Variants in RNF220 observed in about 807,000 individuals in gnomAD.
RNF220 encodes E3 ubiquitin-protein ligase RNF220.
RNF220 carries 7 observed loss-of-function variants against 67.1 expected under a neutral mutation model. The ratio of observed to expected loss-of-function variants is 0.10; its 90% confidence interval spans 0.06 to 0.20. RNF220 has a LOEUF of 0.20. Ranked by LOEUF, RNF220 falls within the 10% of genes least tolerant of loss-of-function variation. RNF220 has a pLI of 1.00. For missense variants in RNF220, 565 were observed against 740.3 expected, an observed-to-expected ratio of 0.76 and a Z score of 2.75; for synonymous variants, 270 against 283.2, an observed-to-expected ratio of 0.95 and a Z score of 0.47.
Position 44,541,422 on chromosome 1 carries a change from C to G in RNF220, c.626-72743C>G, listed in dbSNP as rs150738285. On this transcript the variant is annotated intron_variant, in intron 2 of 14. Transcript: ENST00000361799. ...CAGTCTGGGTGACAGAGTGAGACTCCGTCTCAACAACAAAAAAAGAAAAAA... is the reference window on the plus strand; with the variant it reads ...CAGTCTGGGTGACAGAGTGAGACTCGGTCTCAACAACAAAAAAAGAAAAAA... 1.9e-3 allele frequency among the ~76,000 whole-genome samples: 285 copies of G among 152,236 alleles called. 8 individuals are homozygous for G. The East Asian group carries it at 0.051, about 27-fold the overall frequency.
At chr1:44,505,293 G>T (rs1383696530) in intron 2 of RNF220, among the ~76,000 whole-genome samples, 3 of 152,198 alleles carry the variant, frequency 2.0e-5, no homozygotes, top group Non-Finnish European at 4.4e-5. Flanking sequence ...CAGGACTCTG[G>T]CCAAGTCCAC....
At chr1:44,638,054 T>C (rs1644379967) in intron 8 of RNF220, among the ~76,000 whole-genome samples, 1 of 152,174 alleles carries the variant, frequency 6.6e-6, no homozygotes, top group South Asian at 2.1e-4. Context: ...GTGGGGGGGC[T>C]ATCAAAGGGA....
chr1:44,414,206 A>G (rs182026572), intron 2 of RNF220, among the ~76,000 whole-genome samples: 1 of 152,198 alleles, frequency 6.6e-6, no homozygotes, highest in Non-Finnish European at 1.5e-5. Context: ...CTGAACAGGT[A>G]TCGGCATTGT....
intron 2 of RNF220, among the ~76,000 whole-genome samples, chr1:44,425,931 G>A (rs536988391): frequency 6.6e-6 from 1 of 152,254 alleles, no homozygotes; most frequent in South Asian, 2.1e-4. Context: ...CCTTGAAGCT[G>A]AGCTACAGAA....
rs759672475 is a variant in RNF220, at chr1:44,432,895, C to CTTTTT, written c.625+20177_625+20178insTTTTT. Among the ~76,000 whole-genome samples, 3 of 104,410 alleles carry CTTTTT rather than the reference C, an allele frequency of 2.9e-5. 1 individual carries two copies. The highest frequency in any genetic ancestry group is 2.0e-5 in the Non-Finnish European group (1 of 50,100). 68.5% of individuals were successfully genotyped at this position (104,410 alleles called of 152,430 possible). ...GGTATGTATGTAAGTTTCAAATTGG[C>CTTTTT]TTTTCTTTTTTTTTTTTTGAGTCTT... is the stretch of plus-strand genomic sequence containing the variant. On this transcript the variant is annotated intron_variant, in intron 2 of 14. Transcript: ENST00000361799.
At chr1:44,445,278 A>G (rs1651956735) in intron 2 of RNF220, among the ~76,000 whole-genome samples, 1 of 152,178 alleles carries the variant, frequency 6.6e-6, no homozygotes, top group Non-Finnish European at 1.5e-5. Context: ...AATATCTCCT[A>G]TAAATATATA....
intron 2 of RNF220, among the ~76,000 whole-genome samples, chr1:44,481,832 T>G (rs1655843782): frequency 6.6e-6 from 1 of 151,928 alleles, no homozygotes; most frequent in Non-Finnish European, 1.5e-5. Flanking sequence ...AGACTGACAG[T>G]CAAGAAACAG....
At chr1:44,418,964 G>C (rs996082740) in intron 2 of RNF220, among the ~76,000 whole-genome samples, 1 of 152,042 alleles carries the variant, frequency 6.6e-6, no homozygotes, top group African/African-American at 2.4e-5. Context: ...ACCTTGGGAC[G>C]TGCTCTTTAT....
chr1:44,587,762 C>G (rs946949710), intron 2 of RNF220, among the ~76,000 whole-genome samples: 14 of 152,224 alleles, frequency 9.2e-5, no homozygotes, highest in Admixed American at 2.6e-4. Context: ...ATGAGTAGCT[C>G]TGGCTTGGAC....
At chr1:44,634,210 G>A (rs1644257282) in intron 6 of RNF220, among the ~76,000 whole-genome samples, 1 of 152,228 alleles carries the variant, frequency 6.6e-6, no homozygotes. Context: ...GCTCAGTTAG[G>A]AGGTCCCCTT....
At chr1:44,559,337 C>A (rs1030072211) in intron 2 of RNF220, among the ~76,000 whole-genome samples, 2 of 152,244 alleles carry the variant, frequency 1.3e-5, no homozygotes, top group African/African-American at 4.8e-5. Flanking sequence ...CTGACAGGAG[C>A]AGCCAATAGC....
At chr1:44,468,613 T>C (rs1460271624) in intron 2 of RNF220, among the ~76,000 whole-genome samples, 2 of 152,166 alleles carry the variant, frequency 1.3e-5, no homozygotes, top group Non-Finnish European at 2.9e-5. Flanking sequence ...TTTTGTTCCA[T>C]GTAGAATAGA....
intron 2 of RNF220, among the ~76,000 whole-genome samples, chr1:44,542,991 G>T (rs1661796292): frequency 6.6e-6 from 1 of 152,170 alleles, no homozygotes. Context: ...CTGTCTCTCG[G>T]CAGTGTTGCT....
intron 1 of RNF220, among the ~76,000 whole-genome samples, chr1:44,406,376 C>T (rs994703464): frequency 6.6e-6 from 1 of 152,246 alleles, no homozygotes; most frequent in Non-Finnish European, 1.5e-5. Flanking sequence ...TAGCCCGACA[C>T]GTGGGATCTC....
chr1:44,470,653 A>G (rs986473646), intron 2 of RNF220, among the ~76,000 whole-genome samples: 3 of 151,880 alleles, frequency 2.0e-5, no homozygotes, highest in Non-Finnish European at 4.4e-5. Context: ...ATAGACCTTT[A>G]CCACCACTCC....
At chr1:44,493,137 A>G (rs1657005202) in intron 2 of RNF220, among the ~76,000 whole-genome samples, 1 of 152,198 alleles carries the variant, frequency 6.6e-6, no homozygotes, top group Non-Finnish European at 1.5e-5. Flanking sequence ...CATAATCAAA[A>G]CACAGTGAAA....
chr1:44,636,871 C>T (rs1644345608), intron 8 of RNF220, among the ~76,000 whole-genome samples: 1 of 152,220 alleles, frequency 6.6e-6, no homozygotes, highest in Admixed American at 6.5e-5. Context: ...AGGCTTGACA[C>T]CCCCCACCAG....
intron 5 of RNF220, among the ~76,000 whole-genome samples, chr1:44,628,270 C>T (rs1038249526): frequency 6.6e-6 from 1 of 152,254 alleles, no homozygotes; most frequent in Non-Finnish European, 1.5e-5. Context: ...CATCAGGCAA[C>T]AATGCCTCAA....
intron 2 of RNF220, among the ~76,000 whole-genome samples, chr1:44,590,737 A>AATTC (rs1558072003): frequency 6.6e-6 from 1 of 152,142 alleles, no homozygotes; most frequent in African/African-American, 2.4e-5. Context: ...ACCTTCCACT[A>AATTC]ATTCATTCAT....
Sources: gnomAD v4.1 joint callset for allele counts (sites outside exome capture counted in the v4.1 genomes callset) on GRCh38, gnomAD v4.1.1 for gene constraint, MANE v1.5 for transcripts, NCBI Gene and HGNC (gene_info 2026-07-23, HGNC 2026-07-21) for gene names.